MAGI1: variants seen among roughly 807,000 people sequenced by gnomAD.
The protein encoded by MAGI1 is membrane-associated guanylate kinase, WW and PDZ domain-containing protein 1.
In MAGI1, 58 loss-of-function variants were observed where a neutral mutation model predicts 139.9. That is an observed-to-expected ratio of 0.41 (90% confidence interval 0.34 to 0.52). MAGI1 has a LOEUF of 0.52. Among genes scored for constraint, MAGI1 ranks in the 20% least tolerant of loss-of-function variants. The probability of loss-of-function intolerance (pLI) is 0.12; values close to 1 mark genes in which losing one functional copy is unlikely to be tolerated. For synonymous variants in MAGI1, 812 were observed against 737.9 expected, an observed-to-expected ratio of 1.10 and a Z score of -1.63; for missense variants, 1,874 against 1,901.6, an observed-to-expected ratio of 0.99 and a Z score of 0.27.
chr3:65,789,878 T>C (rs2039645192), intron 1 of MAGI1, among the ~76,000 whole-genome samples: 1 of 152,246 alleles, frequency 6.6e-6, no homozygotes, highest in African/African-American at 2.4e-5. Flanking sequence ...TTTTCCTGTC[T>C]TTGTTCTGTT....
intron 1 of MAGI1, among the ~76,000 whole-genome samples, chr3:65,770,055 C>T (rs1441923763): frequency 6.6e-6 from 1 of 152,174 alleles, no homozygotes; most frequent in Non-Finnish European, 1.5e-5. Context: ...GCTATTACTG[C>T]TCTCATGAAC....
intron 1 of MAGI1, among the ~76,000 whole-genome samples, chr3:65,767,295 GT>G (rs1288861222): frequency 6.6e-6 from 1 of 151,578 alleles, no homozygotes; most frequent in Non-Finnish European, 1.5e-5. Context: ...CTCACCCACA[GT>G]TTAGTTTTTT....
intron 2 of MAGI1, among the ~76,000 whole-genome samples, chr3:65,567,933 T>A (rs541363132): frequency 6.6e-6 from 1 of 152,332 alleles, no homozygotes; most frequent in East Asian, 1.9e-4. Context: ...TATATTTAAT[T>A]TAGGCTGAAC....
At chr3:65,906,455 A>C (rs957012455) in intron 1 of MAGI1, among the ~76,000 whole-genome samples, 1 of 152,234 alleles carries the variant, frequency 6.6e-6, no homozygotes, top group African/African-American at 2.4e-5. Context: ...TTCTTTTCCC[A>C]GGGGATATCA....
intron 1 of MAGI1, among the ~76,000 whole-genome samples, chr3:65,685,556 T>C (rs866563211): frequency 6.6e-6 from 1 of 152,338 alleles, no homozygotes. Flanking sequence ...ACGTAGCTTG[T>C]CTGGGGACTA....
chr3:65,437,563 G>C (rs914063513), intron 9 of MAGI1, among the ~76,000 whole-genome samples: 3 of 152,152 alleles, frequency 2.0e-5, no homozygotes, highest in Non-Finnish European at 4.4e-5. Context: ...GTATAAGGGA[G>C]AAATTTCTCT....
intron 1 of MAGI1, among the ~76,000 whole-genome samples, chr3:65,940,571 T>A (rs1015758487): frequency 6.6e-6 from 1 of 152,148 alleles, no homozygotes; most frequent in Non-Finnish European, 1.5e-5. Context: ...GTTCCAACAG[T>A]CCCACTTCCT....
intron 1 of MAGI1, among the ~76,000 whole-genome samples, chr3:65,681,803 C>T (rs80321093): frequency 0.013 from 1,947 of 152,266 alleles, 22 homozygotes; most frequent in Non-Finnish European, 0.02. Flanking sequence ...GTAGATGATA[C>T]CAAAGCAGAA....
intron 12 of MAGI1, among the ~76,000 whole-genome samples, chr3:65,416,844 G>T (rs1946257382): frequency 6.6e-6 from 1 of 152,034 alleles, no homozygotes; most frequent in Non-Finnish European, 1.5e-5. Context: ...CACAAATAGG[G>T]GACATGATTA....
In MAGI1 at chr3:65,495,387, T is replaced by A. The variant is rs1009777144; in HGVS notation, c.431-1756A>T. Among the ~76,000 whole-genome samples the A allele has an allele frequency of 2.6e-5, 4 of 152,308 alleles. No individual in the cohort carries two copies. In the South Asian group the frequency reaches 8.3e-4, roughly 32 times the overall value. ...TTTTTGTTAGAATGAATTGATAGAATCTTACCGTTCAAATCCCAGTATAAT... is the reference window on the plus strand; with the variant it reads ...TTTTTGTTAGAATGAATTGATAGAAACTTACCGTTCAAATCCCAGTATAAT... On this transcript the variant is annotated intron_variant, in intron 2 of 22. Coordinates refer to ENST00000402939, the MANE Select transcript of MAGI1 (RefSeq NM_001033057.2).
At chr3:65,970,380 A>G (rs1478710088) in intron 1 of MAGI1, among the ~76,000 whole-genome samples, 1 of 152,154 alleles carries the variant, frequency 6.6e-6, no homozygotes, top group African/African-American at 2.4e-5. Flanking sequence ...AAAGAGTTTC[A>G]GTTTGGGAAG....
intron 2 of MAGI1, among the ~76,000 whole-genome samples, chr3:65,596,348 T>G (rs760591300): frequency 9.2e-5 from 14 of 152,188 alleles, no homozygotes; most frequent in Admixed American, 4.6e-4. Context: ...TGTCCGAATC[T>G]TTTGAAAGCA....
intron 2 of MAGI1, among the ~76,000 whole-genome samples, chr3:65,571,349 A>G (rs1433325736): frequency 2.0e-5 from 3 of 152,164 alleles, no homozygotes; most frequent in African/African-American, 7.2e-5. Context: ...GAAGAAATAA[A>G]TGCTCTTTAA....
Position 65,812,294 on chromosome 3 carries a change from T to C in MAGI1, c.314-190206A>G, listed in dbSNP as rs75479609. Among the ~76,000 whole-genome samples, 1,386 of 152,226 alleles carry C rather than the reference T, an allele frequency of 9.1e-3. 18 individuals carry two copies. Among genetic ancestry groups the C allele is most frequent in the African/African-American group, 0.031 (1,294 of 41,530 alleles). ...AAAGCGGGTATTCTAAAAATGTTAA[T>C]TGTTGCTGTTATTGTTATTATTTAC... is the stretch of plus-strand genomic sequence containing the variant. On this transcript the variant is annotated intron_variant, in intron 1 of 22. Coordinates refer to ENST00000402939, the MANE Select transcript of MAGI1 (RefSeq NM_001033057.2).
rs60882502 is a variant in MAGI1 at position 66,010,077 on chromosome 3, C to CAAAAAAAAA, written c.313+27910_313+27918dup. Among the ~76,000 whole-genome samples the CAAAAAAAAA allele has an allele frequency of 1.4e-4, 10 of 69,788 alleles. 4 individuals are homozygous for CAAAAAAAAA. The highest frequency in any genetic ancestry group is 7.4e-4 in the Admixed American group (4 of 5,392). 45.8% of individuals were successfully genotyped at this position (69,788 alleles called of 152,430 possible). A position where few individuals can be genotyped will look rare whatever the true frequency, so the allele number is the denominator to read the frequency against. On this transcript the variant is annotated intron_variant, in intron 1 of 22. Coordinates refer to ENST00000402939, the MANE Select transcript of MAGI1 (RefSeq NM_001033057.2). ...GGTGACAAAGTGATACTCTCTGTCT[C>CAAAAAAAAA]AAAAAAAAAAAAAAAAAAAAAAAAA... is the stretch of plus-strand genomic sequence containing the variant.
Position 65,391,353 on chromosome 3 carries a change from T to C in MAGI1, c.2205A>G (p.Pro735=), listed in dbSNP as rs774963838. 4 of 1,613,856 alleles carry C rather than the reference T, an allele frequency of 2.5e-6. No homozygotes were observed. The African/African-American group carries it at 5.3e-5, about 22-fold the overall frequency. The change falls in exon 14 of 23, where the codon CCA becomes CCG. Residue 735 remains proline (P), a synonymous_variant. Coordinates refer to ENST00000402939, the MANE Select transcript of MAGI1 (RefSeq NM_001033057.2). ...TATTCTGGCTGTCTTTCCTTTCCAGTGGTTGCTGAAAGTAAGCAAGTGAGA... is the reference window on the plus strand; with the variant it reads ...TATTCTGGCTGTCTTTCCTTTCCAGCGGTTGCTGAAAGTAAGCAAGTGAGA... ...PVPKKSPKSQ[P]LERKDSQNSS...
chr3:65,437,900 T>C (rs929222158), intron 9 of MAGI1, among the ~76,000 whole-genome samples: 5 of 150,884 alleles, frequency 3.3e-5, no homozygotes, highest in African/African-American at 1.2e-4. Context: ...CATTAAAAAA[T>C]TTTTAGACAA....
intron 2 of MAGI1, among the ~76,000 whole-genome samples, chr3:65,557,129 G>C (rs1480084607): frequency 6.6e-6 from 1 of 152,172 alleles, no homozygotes; most frequent in African/African-American, 2.4e-5. Flanking sequence ...CTGGTATTCA[G>C]ACTCTTGTGT....
intron 2 of MAGI1, among the ~76,000 whole-genome samples, chr3:65,559,901 T>C (rs1414383570): frequency 6.6e-6 from 1 of 152,072 alleles, no homozygotes; most frequent in African/African-American, 2.4e-5. Flanking sequence ...CCGGGTATGG[T>C]GGCATGCAAC....
Sources: gnomAD v4.1 joint callset for allele counts (sites outside exome capture counted in the v4.1 genomes callset) on GRCh38, gnomAD v4.1.1 for gene constraint, MANE v1.5 for transcripts, NCBI Gene and HGNC (gene_info 2026-07-23, HGNC 2026-07-21) for gene names.